The following ERI1 variants were observed in gnomAD, a reference collection of about 807,000 sequenced individuals.
ERI1 encodes exoribonuclease 1.
ERI1 carries 39 observed loss-of-function variants against 39.7 expected under a neutral mutation model. The observed-to-expected ratio is 0.98, with a 90% CI of 0.76 to 1.28. The LOEUF is 1.28. Ranked by LOEUF, ERI1 falls within the 50% of genes most tolerant of loss-of-function variation. The probability of loss-of-function intolerance (pLI) is 0.00; values close to 1 mark genes in which losing one functional copy is unlikely to be tolerated. For missense variants in ERI1, 581 were observed against 416.9 expected, an observed-to-expected ratio of 1.39 and a Z score of -3.43; for synonymous variants, 204 against 149.6, an observed-to-expected ratio of 1.36 and a Z score of -2.65.
intron 3 of ERI1, among the ~76,000 whole-genome samples, chr8:9,014,412 C>T (rs192017723): frequency 7.4e-4 from 112 of 152,292 alleles, no homozygotes; most frequent in South Asian, 2.1e-4. Flanking sequence ...TTCTGACCCC[C>T]CTTACTGCTC....
At chr8:9,067,853 C>T (rs1001219127) in intron 3 of ERI1, among the ~76,000 whole-genome samples, 1 of 149,522 alleles carries the variant, frequency 6.7e-6, no homozygotes, top group Non-Finnish European at 1.5e-5. Flanking sequence ...GGTTTTTTTA[C>T]CTCCTTTTCC....
intron 3 of ERI1, among the ~76,000 whole-genome samples, chr8:9,090,156 T>C (rs188326331): frequency 1.1e-4 from 16 of 152,246 alleles, no homozygotes; most frequent in Admixed American, 5.9e-4. Flanking sequence ...AAGCAAACCT[T>C]ATCCAAGGAC....
At chr8:9,068,012 G>T (rs936368259) in intron 3 of ERI1, among the ~76,000 whole-genome samples, 5 of 152,026 alleles carry the variant, frequency 3.3e-5, no homozygotes, top group Non-Finnish European at 7.4e-5. Flanking sequence ...CCCCAAGCAA[G>T]AAGTTTCCAC....
rs768010080 is a variant in ERI1, at chr8:9,023,770, AT to A, written c.807+3316del. ...TATATTATATGGTATGTCTAAAAAC[AT>A]TTTTTTTTTAAGTAAAAATGACTTT... On this transcript the variant is annotated intron_variant, in intron 6 of 6. Transcript: ENST00000250263. 2.0e-3 allele frequency among the ~76,000 whole-genome samples: 203 copies of A among 103,592 alleles called. 2 individuals are homozygous for A. Among genetic ancestry groups the A allele is most frequent in the East Asian group, 4.0e-3 (17 of 4,246 alleles). 68.0% of individuals were successfully genotyped at this position (103,592 alleles called of 152,430 possible).
intron 6 of ERI1, among the ~76,000 whole-genome samples, chr8:9,028,728 A>ATTCT (rs1797369947): frequency 6.6e-6 from 1 of 151,792 alleles, no homozygotes; most frequent in Admixed American, 6.6e-5. Flanking sequence ...GGTTCAAGGG[A>ATTCT]TTCTTCTGCC....
intron 3 of ERI1, among the ~76,000 whole-genome samples, chr8:9,049,285 G>T (rs974813925): frequency 1.5e-5 from 2 of 130,570 alleles, no homozygotes; most frequent in African/African-American, 5.8e-5. Context: ...GCAGTGAGCC[G>T]AGAGCACGCC....
intron 3 of ERI1, among the ~76,000 whole-genome samples, chr8:9,064,754 C>T (rs916325225): frequency 1.3e-5 from 2 of 152,132 alleles, no homozygotes; most frequent in African/African-American, 2.4e-5. Flanking sequence ...GGATTGATCT[C>T]CCAAGGGAGG....
rs148691539 is a variant in ERI1, at chr8:9,021,879, G to C, written c.807+1415G>C. 7.5e-3 allele frequency among the ~76,000 whole-genome samples: 1,104 copies of C among 148,084 alleles called. 9 individuals are homozygous for C. The highest frequency in any genetic ancestry group is 0.026 in the African/African-American group (1,052 of 39,838). The stretch of plus-strand genomic sequence containing the variant: ...TTAATTCCATTGTGTGACTATACCA[G>C]ATTTGTTTATCTGTTCTACTTTGGC... On this transcript the variant is annotated intron_variant, in intron 6 of 6. Transcript: ENST00000250263.
chr8:9,087,957 C>T (rs1250616401), intron 3 of ERI1, among the ~76,000 whole-genome samples: 2 of 152,186 alleles, frequency 1.3e-5, no homozygotes, highest in Non-Finnish European at 2.9e-5. Context: ...CCCAGGCAAA[C>T]TGGGTCCAGT....
chr8:9,096,320 C>T (rs190380421), intron 3 of ERI1, among the ~76,000 whole-genome samples: 300 of 152,290 alleles, frequency 2.0e-3, no homozygotes, highest in Non-Finnish European at 3.6e-3. Context: ...AGCCCCGGCT[C>T]CCAGGATCTT....
intron 3 of ERI1, among the ~76,000 whole-genome samples, chr8:9,067,079 A>T (rs1056069517): frequency 3.3e-5 from 5 of 152,132 alleles, no homozygotes; most frequent in Admixed American, 2.6e-4. Context: ...TCATTGCCCT[A>T]CCTATTTCTA....
chr8:9,049,204 C>T (rs565952941), intron 3 of ERI1, among the ~76,000 whole-genome samples: 109 of 151,300 alleles, frequency 7.2e-4, no homozygotes, highest in African/African-American at 2.5e-3. Context: ...GGCGTGGTGG[C>T]GGGAGCCTGT....
At chr8:9,054,742 T>C (rs1798455096) in intron 3 of ERI1, among the ~76,000 whole-genome samples, 2 of 152,196 alleles carry the variant, frequency 1.3e-5, no homozygotes, top group East Asian at 1.9e-4. Flanking sequence ...CTGGCCAACA[T>C]GACAAAACCC....
At chr8:9,013,337 A>AT (rs1816876529) in intron 3 of ERI1, among the ~76,000 whole-genome samples, 1 of 151,792 alleles carries the variant, frequency 6.6e-6, no homozygotes, top group African/African-American at 2.4e-5. Context: ...AAAAAAAAAA[A>AT]AAAAAAATTA....
downstream of ERI1, among the ~76,000 whole-genome samples, chr8:9,033,850 T>A (rs1229274581): frequency 8.0e-6 from 1 of 124,734 alleles, no homozygotes; most frequent in Non-Finnish European, 1.7e-5. Flanking sequence ...CTAGGTAGAA[T>A]AAACATCTTC....
At chr8:9,052,229 C>T (rs942351428) in intron 3 of ERI1, among the ~76,000 whole-genome samples, 1 of 152,176 alleles carries the variant, frequency 6.6e-6, no homozygotes, top group African/African-American at 2.4e-5. Flanking sequence ...GCTCCTAGTA[C>T]ACTTCCTGGC....
intron 6 of ERI1, among the ~76,000 whole-genome samples, chr8:9,027,070 ACATTCCTGCC>A (rs2117285365): frequency 6.6e-6 from 1 of 152,068 alleles, no homozygotes; most frequent in African/African-American, 2.4e-5. Flanking sequence ...GTACCATTTT[ACATTCCTGCC>A]AGCAATGCAC....
chr8:9,065,566 G>C (rs915303276), intron 3 of ERI1, among the ~76,000 whole-genome samples: 1 of 151,734 alleles, frequency 6.6e-6, no homozygotes, highest in South Asian at 2.1e-4. Flanking sequence ...GTAGTGGGGG[G>C]CGCCTGTAGT....
intron 3 of ERI1, among the ~76,000 whole-genome samples, chr8:9,071,566 C>G (rs1799051546): frequency 6.6e-6 from 1 of 152,210 alleles, no homozygotes; most frequent in Non-Finnish European, 1.5e-5. Flanking sequence ...GTTTATTCAT[C>G]TGAGGAATGC....
Sources: gnomAD v4.1 joint callset for allele counts (sites outside exome capture counted in the v4.1 genomes callset) on GRCh38, gnomAD v4.1.1 for gene constraint, MANE v1.5 for transcripts, NCBI Gene and HGNC (gene_info 2026-07-23, HGNC 2026-07-21) for gene names.